The following RTN3 variants were observed in gnomAD, a reference collection of about 807,000 sequenced individuals.
RTN3 encodes the protein reticulon-3.
A neutral mutation model predicts 77.8 loss-of-function variants in RTN3; 49 were observed. The ratio of observed to expected loss-of-function variants is 0.63; its 90% CI spans 0.50 to 0.80. RTN3 has a LOEUF of 0.80. Ranked by LOEUF, RTN3 falls within the 30% of genes least tolerant of loss-of-function variation. The pLI, the probability that RTN3 is intolerant of heterozygous loss-of-function variation, is 0.00. For missense variants in RTN3, 1,236 were observed against 1,211.9 expected, an observed-to-expected ratio of 1.02 and a Z score of -0.29; for synonymous variants, 464 against 446.9, an observed-to-expected ratio of 1.04 and a Z score of -0.48.
chr11:63,757,752 C>T (rs1223494006), intron 8 of RTN3, among the ~76,000 whole-genome samples: 5 of 139,930 alleles, frequency 3.6e-5, no homozygotes, highest in African/African-American at 1.1e-4. Context: ...GATGGAGTCT[C>T]GCTGTCACCC....
intron 2 of RTN3, among the ~76,000 whole-genome samples, chr11:63,705,659 G>T (rs1349396066): frequency 6.6e-6 from 1 of 152,258 alleles, no homozygotes; most frequent in Non-Finnish European, 1.5e-5. Context: ...GTATTTTAAT[G>T]TGAATTTATC....
intron 3 of RTN3, among the ~76,000 whole-genome samples, chr11:63,725,695 G>T (rs556580388): frequency 6.6e-6 from 1 of 151,994 alleles, no homozygotes; most frequent in African/African-American, 2.4e-5. Context: ...CTCGTGATCC[G>T]CCCGCCTCGG....
chr11:63,709,437 C>T (rs1472685095), intron 2 of RTN3, among the ~76,000 whole-genome samples: 1 of 152,034 alleles, frequency 6.6e-6, no homozygotes, highest in East Asian at 1.9e-4. Context: ...AGGATCCATC[C>T]ACCATGCCGC....
intron 1 of RTN3, among the ~76,000 whole-genome samples, chr11:63,699,290 GCTGAGACTC>G (rs1041708489): frequency 6.6e-6 from 1 of 151,398 alleles, no homozygotes; most frequent in African/African-American, 2.4e-5. Context: ...GGGCGACAGA[GCTGAGACTC>G]CTTCTCAAAA....
At chr11:63,731,409 T>C (rs1020214520) in intron 3 of RTN3, among the ~76,000 whole-genome samples, 1 of 152,118 alleles carries the variant, frequency 6.6e-6, no homozygotes, top group African/African-American at 2.4e-5. Flanking sequence ...TCATACAAAA[T>C]ATGTTCTAAG....
chr11:63,740,194 G>A (rs1031166777), intron 3 of RTN3, among the ~76,000 whole-genome samples: 15 of 151,982 alleles, frequency 9.9e-5, no homozygotes, highest in African/African-American at 3.6e-4. Flanking sequence ...TTCTGATAGC[G>A]CAACACTTTT....
chr11:63,700,874 G>A (rs1396265342), intron 1 of RTN3, among the ~76,000 whole-genome samples: 2 of 151,672 alleles, frequency 1.3e-5, no homozygotes, highest in African/African-American at 4.8e-5. Flanking sequence ...TGCGGATCAC[G>A]AGGTCAGGAC....
At position 63,720,818 on chromosome 11, in the gene RTN3, A is replaced by G. The variant is rs1323666157; in HGVS notation, c.2316A>G (p.Glu772=). Residue 772 remains glutamate, a synonymous_variant, in exon 3 of 9, where the codon GAA becomes GAG. Coordinates refer to ENST00000377819, the MANE Select transcript of RTN3 (RefSeq NM_001265589.2). ...AQRDAELPSE[E]VLKQTFTFAP... is the part of the protein sequence containing the mutation. ...GTGACGCAGAATTGCCTTCTGAAGA[A>G]GTACTGAAGCAAACTTTCACATTTG... 6.2e-7 allele frequency: 1 copy of G among 1,613,896 alleles called. No individual in the cohort carries two copies. Among genetic ancestry groups the G allele is most frequent in the Non-Finnish European group, 8.5e-7 (1 of 1,180,016 alleles).
At chr11:63,735,560 C>CTCTCTCTCTCTT (rs1565334149) in intron 3 of RTN3, among the ~76,000 whole-genome samples, 1 of 135,880 alleles carries the variant, frequency 7.4e-6, no homozygotes, top group African/African-American at 2.8e-5. Context: ...TTCTCTCTCT[C>CTCTCTCTCTCTT]TCTCTCTCTC....
intron 2 of RTN3, among the ~76,000 whole-genome samples, chr11:63,710,910 A>C (rs2011144323): frequency 6.6e-6 from 1 of 152,178 alleles, no homozygotes; most frequent in Admixed American, 6.5e-5. Context: ...TAAATTGTTC[A>C]GCTGGTTGTA....
intron 1 of RTN3, among the ~76,000 whole-genome samples, chr11:63,687,909 C>T (rs1265370364): frequency 2.0e-5 from 3 of 152,142 alleles, no homozygotes; most frequent in Non-Finnish European, 4.4e-5. Flanking sequence ...TCCCTTTCCA[C>T]ATGTGAGTCA....
Position 63,719,863 on chromosome 11 carries a change from C to T in RTN3, c.1361C>T (p.Pro454Leu). The T allele has an allele frequency of 1.2e-6, 2 of 1,614,166 alleles. No individual in the cohort carries two copies. The highest frequency in any genetic ancestry group is 1.7e-6 in the Non-Finnish European group (2 of 1,180,028). Residue 454 changes from proline (P) to leucine (L), a missense_variant, in exon 3 of 9, where the codon CCA (proline) becomes CTA (leucine). By Grantham distance (98) the Pro-to-Leu change is moderately conservative. Around this residue, in one of 3 missense-constraint regions of RTN3, gnomAD observed 1,056 missense variants for 990.4 expected, o/e 1.07. Transcript: ENST00000377819. ...ACACTTGCAGAATTACCTGGATCTC[C>T]ACCTGAGAAATGTGACTCTTTGGGT... ...DDTLAELPGSPPEKCDSLGSG... is the reference protein window; with the variant it reads ...DDTLAELPGSLPEKCDSLGSG...
At chr11:63,696,334 T>C (rs541197605) in intron 1 of RTN3, among the ~76,000 whole-genome samples, 1 of 144,970 alleles carries the variant, frequency 6.9e-6, no homozygotes, top group African/African-American at 2.6e-5. Flanking sequence ...GAGGTGGAGG[T>C]TGCAGTGAGC....
At chr11:63,703,983 G>T (rs1057323588) in intron 1 of RTN3, among the ~76,000 whole-genome samples, 2 of 151,848 alleles carry the variant, frequency 1.3e-5, no homozygotes, top group African/African-American at 2.4e-5. Context: ...AATTAGAGGA[G>T]TATAATTTTA....
intron 1 of RTN3, among the ~76,000 whole-genome samples, chr11:63,690,220 T>C (rs1941583917): frequency 6.6e-6 from 1 of 152,224 alleles, no homozygotes; most frequent in South Asian, 2.1e-4. Flanking sequence ...GGAAAACCTT[T>C]TGTTATGAAA....
chr11:63,725,620 A>G (rs1038150103), intron 3 of RTN3, among the ~76,000 whole-genome samples: 1 of 151,500 alleles, frequency 6.6e-6, no homozygotes, highest in African/African-American at 2.4e-5. Flanking sequence ...AGCTAATTTT[A>G]TTTTTGTATT....
At chr11:63,744,112 A>G (rs1345614692) in intron 3 of RTN3, among the ~76,000 whole-genome samples, 1 of 151,668 alleles carries the variant, frequency 6.6e-6, no homozygotes, top group Non-Finnish European at 1.5e-5. Context: ...GAGTGGTGGC[A>G]GGCACCTGTA....
intron 1 of RTN3, among the ~76,000 whole-genome samples, chr11:63,687,251 A>G (rs1320442451): frequency 6.6e-6 from 1 of 152,220 alleles, no homozygotes; most frequent in Non-Finnish European, 1.5e-5. Flanking sequence ...GATCTTGTGC[A>G]AGTCCTGAGC....
At chr11:63,731,977 T>G (rs1173406783) in intron 3 of RTN3, among the ~76,000 whole-genome samples, 3 of 152,036 alleles carry the variant, frequency 2.0e-5, no homozygotes. Flanking sequence ...ATGCTTATAT[T>G]GGAAAAGACA....
Sources: allele counts gnomAD v4.1 joint callset (sites outside exome capture counted in the v4.1 genomes callset), GRCh38; gene constraint gnomAD v4.1.1; regional missense constraint gnomAD v4.1.1; transcripts MANE v1.5; gene names NCBI Gene and HGNC (gene_info 2026-07-23, HGNC 2026-07-21).